ACSM2B: variants seen among roughly 807,000 people sequenced by gnomAD.
ACSM2B encodes the protein acyl-CoA synthetase medium chain family member 2B.
Under a neutral mutation model 78.6 loss-of-function variants are expected in ACSM2B, and 58 were observed. The observed-to-expected ratio is 0.74, with a 90% CI of 0.60 to 0.92. ACSM2B has a LOEUF of 0.92. Among genes scored for constraint, ACSM2B ranks in the 40% least tolerant of loss-of-function variants. The pLI is 0.00. For missense variants in ACSM2B, 688 were observed against 711.2 expected, an observed-to-expected ratio of 0.97 and a Z score of 0.37; for synonymous variants, 257 against 256.8, an observed-to-expected ratio of 1.00 and a Z score of -0.01.
In ACSM2B at chr16:20,564,823, T is replaced by C. The variant is rs1203637892; in HGVS notation, c.23A>G (p.Gln8Arg). 6.2e-7 allele frequency: 1 copy of C among 1,611,072 alleles called. No individual in the cohort carries two copies. The highest frequency in any genetic ancestry group is 2.2e-5 in the East Asian group (1 of 44,828). Residue 8 changes from glutamine (Q) to arginine (R), a missense_variant, in exon 2 of 14, where the codon CAG (glutamine) becomes CGG (arginine). By Grantham distance (43) the Gln-to-Arg change is conservative (BLOSUM62 1). Coordinates refer to ENST00000329697, the MANE Select transcript of ACSM2B (RefSeq NM_001105069.2). MHWLRKVQGLCTLWGTQM... is the reference protein window; with the variant it reads MHWLRKVRGLCTLWGTQM... ...AGTACCCCACAGGGTGCAAAGTCCC[T>C]GAACTTTTCGCAGCCAATGCATGTT...
intron 13 of ACSM2B, among the ~76,000 whole-genome samples, chr16:20,539,805 A>G (rs557815081): frequency 1.3e-5 from 2 of 151,826 alleles, no homozygotes; most frequent in South Asian, 4.2e-4. Context: ...GCTGCTGAGA[A>G]TATATGTTTG....
chr16:20,552,037 C>T, intron 6 of ACSM2B, 107 bp downstream of exon 6: 1 of 1,514,976 alleles, frequency 6.6e-7, no homozygotes, highest in Non-Finnish European at 8.8e-7. Context: ...CTCCACATGG[C>T]AGAGGTTTAG....
chr16:20,557,209 G>T (rs1287450082), intron 3 of ACSM2B, among the ~76,000 whole-genome samples: 1 of 144,150 alleles, frequency 6.9e-6, no homozygotes, highest in Admixed American at 6.9e-5. Context: ...AATCCAACTT[G>T]TTATCACTTC....
chr16:20,548,555 G>A, intron 6 of ACSM2B, 82 bp from the exon 7 acceptor site: 1 of 1,606,118 alleles, frequency 6.2e-7, no homozygotes, highest in South Asian at 1.1e-5. Context: ...ACAATTGTGA[G>A]CTATGGAGTT....
intron 1 of ACSM2B, among the ~76,000 whole-genome samples, chr16:20,573,035 T>G (rs201126162): frequency 2.2e-3 from 330 of 147,938 alleles, no homozygotes; most frequent in East Asian, 5.9e-3. Flanking sequence ...ATTAGCTTAA[T>G]AATTGCCCTT....
At chr16:20,567,298 G>A (rs1459489884) in intron 1 of ACSM2B, among the ~76,000 whole-genome samples, 2 of 120,450 alleles carry the variant, frequency 1.7e-5, no homozygotes, top group African/African-American at 6.5e-5. Flanking sequence ...AATATATAAT[G>A]TATAGTACAA....
intron 6 of ACSM2B, chr16:20,549,674 G>A: frequency 2.5e-6 from 1 of 393,928 alleles, no homozygotes; most frequent in Non-Finnish European, 4.9e-6. Flanking sequence ...AGAGCCCTCA[G>A]GAGGTCCTGA....
At chr16:20,566,740 AC>A (rs374114695) in intron 1 of ACSM2B, among the ~76,000 whole-genome samples, 17 of 49,466 alleles carry the variant, frequency 3.4e-4, no homozygotes, top group East Asian at 5.0e-3. Flanking sequence ...TATAGTATAT[AC>A]TATATATACT....
intron 1 of ACSM2B, among the ~76,000 whole-genome samples, 155 bp from the exon 2 acceptor site, chr16:20,565,008 C>A (rs1244401382): frequency 6.6e-6 from 1 of 152,080 alleles, no homozygotes; most frequent in African/African-American, 2.4e-5. Context: ...GCATCTGTTT[C>A]AGTCTCCTTG....
intron 5 of ACSM2B, among the ~76,000 whole-genome samples, chr16:20,552,535 AC>A (rs770770911): frequency 6.6e-6 from 1 of 152,146 alleles, no homozygotes; most frequent in African/African-American, 2.4e-5. Flanking sequence ...AGTTGACATG[AC>A]TTAATATATA....
chr16:20,560,990 T>TA (rs113184396), intron 2 of ACSM2B, among the ~76,000 whole-genome samples: 4 of 152,170 alleles, frequency 2.6e-5, no homozygotes, highest in African/African-American at 9.6e-5. Context: ...AGTAATGACT[T>TA]AGGGAATCTG....
At chr16:20,574,018 G>T (rs557507699) in intron 1 of ACSM2B, 7 of 152,026 alleles carry the variant, frequency 4.6e-5, no homozygotes, top group Admixed American at 3.9e-4. Context: ...ATCCTAGTAA[G>T]CCTGAGGGTA....
intron 2 of ACSM2B, among the ~76,000 whole-genome samples, chr16:20,562,854 T>C (rs2015704360): frequency 6.6e-6 from 1 of 152,186 alleles, no homozygotes. Context: ...TGAGATATTT[T>C]CCAGACATTT....
At chr16:20,560,740 G>C (rs2015628171) in intron 2 of ACSM2B, among the ~76,000 whole-genome samples, 1 of 152,022 alleles carries the variant, frequency 6.6e-6, no homozygotes, top group South Asian at 2.1e-4. Context: ...TGAAGAGTTT[G>C]GAAGGCTTAG....
At chr16:20,543,301 A>T in intron 10 of ACSM2B, 39 bp from the exon 11 acceptor site, 2 of 1,613,250 alleles carry the variant, frequency 1.2e-6, no homozygotes, top group Non-Finnish European at 1.7e-6. Context: ...GTGCCTGCAA[A>T]GCCTAAATCC....
rs767397573 is a variant in ACSM2B at position 20,559,256 on chromosome 16, G to A, written c.369C>T (p.Ile123=). 1.9e-6 allele frequency: 3 copies of A among 1,613,120 alleles called. No homozygotes were observed. Among genetic ancestry groups the A allele is most frequent in the Non-Finnish European group, 2.5e-6 (3 of 1,179,432 alleles). ...LPRVPEWWLV[I]LGCIRAGLIF... is the part of the protein sequence containing the mutation. ...ACCAACCTGCTCGAATGCAGCCCAG[G>A]ATCACCAGCCACCACTCAGGCACTC... is the stretch of plus-strand genomic sequence containing the variant. Residue 123 remains isoleucine (I), a synonymous_variant, in exon 3 of 14, where the codon ATC becomes ATT. Coordinates refer to ENST00000329697, the MANE Select transcript of ACSM2B (RefSeq NM_001105069.2).
At chr16:20,550,037 T>C (rs2152136254) in intron 6 of ACSM2B, among the ~76,000 whole-genome samples, 1 of 152,242 alleles carries the variant, frequency 6.6e-6, no homozygotes, top group Non-Finnish European at 1.5e-5. Flanking sequence ...TTGATGTTAA[T>C]ACCAGAAAGG....
intron 5 of ACSM2B, among the ~76,000 whole-genome samples, 154 bp from the exon 6 acceptor site, chr16:20,552,451 G>T (rs1385199461): frequency 6.6e-6 from 1 of 152,076 alleles, no homozygotes; most frequent in East Asian, 1.9e-4. Flanking sequence ...GTATAAGTAG[G>T]AAGGGGGAAG....
chr16:20,559,193 T>A (rs1243793183), intron 3 of ACSM2B, 44 bp downstream of exon 3: 1 of 1,513,918 alleles, frequency 6.6e-7, no homozygotes, highest in African/African-American at 1.4e-5. Context: ...ATCAGTTTTC[T>A]TCACAAGGAA....
Sources: gnomAD v4.1 joint callset for allele counts (sites outside exome capture counted in the v4.1 genomes callset) on GRCh38, gnomAD v4.1.1 for gene constraint, MANE v1.5 for transcripts, NCBI Gene and HGNC (gene_info 2026-07-23, HGNC 2026-07-21) for gene names.